RXFP1: variants seen among roughly 807,000 people sequenced by gnomAD.
RXFP1 encodes the protein relaxin family peptide receptor 1.
A neutral mutation model predicts 89.8 loss-of-function variants in RXFP1; 73 were observed. The ratio of observed to expected loss-of-function variants is 0.81; its 90% confidence interval spans 0.67 to 0.99. RXFP1 has a LOEUF of 0.99. Ranked by LOEUF, RXFP1 falls within the 50% of genes least tolerant of loss-of-function variation. The pLI is 0.00. For missense variants in RXFP1, 793 were observed against 895.5 expected, an observed-to-expected ratio of 0.89 and a Z score of 1.46; for synonymous variants, 277 against 305.5, an observed-to-expected ratio of 0.91 and a Z score of 0.97.
chr4:158,530,888 C>T (rs1419209686), intron 1 of RXFP1, among the ~76,000 whole-genome samples: 1 of 152,166 alleles, frequency 6.6e-6, no homozygotes, highest in African/African-American at 2.4e-5. Context: ...ATTTGTCTAT[C>T]AAATCCATTT....
At chr4:158,592,965 G>A (rs1317843844) in intron 2 of RXFP1, among the ~76,000 whole-genome samples, 5 of 151,410 alleles carry the variant, frequency 3.3e-5, no homozygotes, top group South Asian at 2.1e-4. Flanking sequence ...TCAAGTTCCC[G>A]TAGTCCCAGC....
intron 12 of RXFP1, among the ~76,000 whole-genome samples, chr4:158,634,134 C>T (rs1304332151): frequency 2.0e-5 from 3 of 152,130 alleles, no homozygotes; most frequent in Non-Finnish European, 2.9e-5. Flanking sequence ...TTTACATTTC[C>T]GCTAGTAGTA....
rs544424300 is a variant in RXFP1, at chr4:158,639,411, T to C, written c.1115+80T>C. On this transcript the variant is annotated intron_variant, in intron 14 of 17. Coordinates refer to ENST00000307765, the MANE Select transcript of RXFP1 (RefSeq NM_021634.4). ...TATTATGATAATGCATCCAATCTAT[T>C]AATATTTTCTACTAATTTGCCAGCT... is the stretch of plus-strand genomic sequence containing the variant. The C allele has an allele frequency of 5.5e-5, 44 of 799,654 alleles. No homozygotes were observed. In the South Asian group the frequency reaches 6.7e-4, roughly 12 times the overall value. The allele number at this position is 799,654 out of a possible 1,614,324, so 49.5% of individuals were successfully genotyped here.
At chr4:158,535,923 C>T (rs542259982) in intron 1 of RXFP1, among the ~76,000 whole-genome samples, 2 of 152,246 alleles carry the variant, frequency 1.3e-5, no homozygotes, top group South Asian at 4.1e-4. Flanking sequence ...CTGGAAAGCC[C>T]TCTGATCCAG....
At chr4:158,541,521 A>G (rs542855245) in intron 1 of RXFP1, among the ~76,000 whole-genome samples, 5 of 152,340 alleles carry the variant, frequency 3.3e-5, no homozygotes, top group Admixed American at 2.0e-4. Flanking sequence ...TTTAAAATAT[A>G]AAAATATTTC....
chr4:158,615,266 G>T (rs1454259419), intron 8 of RXFP1, among the ~76,000 whole-genome samples: 1 of 152,168 alleles, frequency 6.6e-6, no homozygotes, highest in Non-Finnish European at 1.5e-5. Context: ...GCTGGGTGGG[G>T]TGGCTCATGC....
chr4:158,606,556 G>T (rs1158320320), intron 5 of RXFP1, among the ~76,000 whole-genome samples: 1 of 151,916 alleles, frequency 6.6e-6, no homozygotes, highest in Non-Finnish European at 1.5e-5. Context: ...CTACATGATT[G>T]GGCCCACAGC....
chr4:158,572,859 G>A (rs747315304), intron 2 of RXFP1, 24 bp downstream of exon 2: 5 of 1,612,362 alleles, frequency 3.1e-6, no homozygotes, highest in East Asian at 2.2e-5. Context: ...CTGCAGTCAC[G>A]GTGAGAGAAA....
chr4:158,576,699 A>C (rs1756287317), intron 2 of RXFP1, among the ~76,000 whole-genome samples: 1 of 152,094 alleles, frequency 6.6e-6, no homozygotes, highest in South Asian at 2.1e-4. Context: ...ATTATCTACA[A>C]TTTTTAGCTC....
At chr4:158,568,459 A>G (rs1754282575) in intron 1 of RXFP1, among the ~76,000 whole-genome samples, 1 of 152,260 alleles carries the variant, frequency 6.6e-6, no homozygotes, top group African/African-American at 2.4e-5. Context: ...GCTGGAGGCT[A>G]ATTCATTAAA....
At chr4:158,535,006 A>G (rs1744971892) in intron 1 of RXFP1, among the ~76,000 whole-genome samples, 2 of 149,738 alleles carry the variant, frequency 1.3e-5, no homozygotes, top group South Asian at 4.2e-4. Context: ...ATATTTTATC[A>G]TTTATTATAT....
intron 2 of RXFP1, 79 bp downstream of exon 2, chr4:158,572,914 C>T: frequency 6.5e-7 from 1 of 1,540,606 alleles, no homozygotes; most frequent in Non-Finnish European, 8.8e-7. Context: ...CTTCTCTCAA[C>T]AAAAAGACAA....
intron 1 of RXFP1, among the ~76,000 whole-genome samples, chr4:158,547,160 T>A (rs1291808658): frequency 6.6e-6 from 1 of 152,232 alleles, no homozygotes; most frequent in Non-Finnish European, 1.5e-5. Flanking sequence ...ATTCAACTTC[T>A]TCCTGGTTTA....
At chr4:158,617,038 G>T in intron 8 of RXFP1, 93 bp from the exon 9 acceptor site, 5 of 807,364 alleles carry the variant, frequency 6.2e-6, no homozygotes, top group Non-Finnish European at 5.8e-6. Context: ...TAGTGGATTT[G>T]TGGGTTTCAT....
chr4:158,564,730 AGG>A lies in RXFP1; in HGVS notation c.50-7967_50-7966del, dbSNP rs1188374170. Among the ~76,000 whole-genome samples the A allele has an allele frequency of 5.3e-5, 8 of 152,330 alleles. No homozygotes were observed. In the East Asian group the frequency reaches 1.5e-3, roughly 29 times the overall value. ...CGAGAGCATGTTTACTTGCTCTTCT[AGG>A]AACTATTACTTCTGTAACTCTTTGG... is the stretch of plus-strand genomic sequence containing the variant. On this transcript the variant is annotated intron_variant, in intron 1 of 17. Transcript: ENST00000307765.
At chr4:158,610,708 G>A (rs1359734565) in intron 6 of RXFP1, 12 of 1,289,478 alleles carry the variant, frequency 9.3e-6, no homozygotes, top group Non-Finnish European at 1.0e-5. Context: ...AGCAATAGTG[G>A]ATCAAATGTC....
At chr4:158,638,139 G>A in intron 13 of RXFP1, 60 bp downstream of exon 13, 2 of 929,458 alleles carry the variant, frequency 2.2e-6, no homozygotes, top group Admixed American at 2.3e-5. Flanking sequence ...TACTAACAAT[G>A]TATATTTTTA....
chr4:158,619,992 G>C (rs1051499941), intron 9 of RXFP1, among the ~76,000 whole-genome samples: 8 of 152,192 alleles, frequency 5.3e-5, no homozygotes, highest in Admixed American at 2.0e-4. Flanking sequence ...AGAAGTTCAT[G>C]TCAAATTATA....
At chr4:158,599,238 C>T (rs1215489930) in intron 3 of RXFP1, 88 bp from the exon 4 acceptor site, 1 of 1,584,176 alleles carries the variant, frequency 6.3e-7, no homozygotes, top group South Asian at 1.1e-5. Flanking sequence ...AAATGATTTT[C>T]TCATAGCTTT....
Sources: allele counts gnomAD v4.1 joint callset (sites outside exome capture counted in the v4.1 genomes callset), GRCh38; gene constraint gnomAD v4.1.1; transcripts MANE v1.5; gene names NCBI Gene and HGNC (gene_info 2026-07-23, HGNC 2026-07-21).